Variants in ZFP82 observed in about 807,000 individuals in gnomAD.
ZFP82 encodes the protein ZFP82 zinc finger protein.
ZFP82 carries 30 observed loss-of-function variants against 54.0 expected under a neutral mutation model. The observed-to-expected ratio is 0.56, with a 90% CI of 0.42 to 0.75. ZFP82 has a LOEUF of 0.75. ZFP82 is among the 30% of genes least tolerant of loss of function. The probability of loss-of-function intolerance (pLI) is 0.00; values close to 1 mark genes in which losing one functional copy is unlikely to be tolerated. For synonymous variants in ZFP82, 194 were observed against 209.5 expected, an observed-to-expected ratio of 0.93 and a Z score of 0.64; for missense variants, 500 against 636.8, an observed-to-expected ratio of 0.79 and a Z score of 2.31.
At chr19:36,410,155 G>T (rs915296936) in intron 1 of ZFP82, among the ~76,000 whole-genome samples, 5 of 152,080 alleles carry the variant, frequency 3.3e-5, no homozygotes, top group Admixed American at 6.6e-5. Context: ...CACAAAGAGA[G>T]AAATTCATAA....
chr19:36,398,047 T>C (rs961272492), intron 4 of ZFP82, among the ~76,000 whole-genome samples: 1 of 152,224 alleles, frequency 6.6e-6, no homozygotes, highest in Non-Finnish European at 1.5e-5. Flanking sequence ...ACAAAACTTA[T>C]TTAAGCTTTA....
chr19:36,401,847 C>T (rs1222963010), intron 4 of ZFP82, among the ~76,000 whole-genome samples: 4 of 152,212 alleles, frequency 2.6e-5, no homozygotes, highest in Non-Finnish European at 5.9e-5. Flanking sequence ...TTTCTATCAG[C>T]TCATAATGCT....
chr19:36,409,380 T>A (rs1448348725), intron 2 of ZFP82, among the ~76,000 whole-genome samples: 4 of 152,038 alleles, frequency 2.6e-5, no homozygotes, highest in Non-Finnish European at 5.9e-5. Flanking sequence ...CAATCCTCCA[T>A]GTCAACCTCC....
Position 36,392,740 on chromosome 19 carries a change from C to T in ZFP82, c.*1G>A, listed in dbSNP as rs1034780087. ...ATAACACAGAAGTTGAAAAGACTTTCTTAGATTTTTACATTATGAATTTTC... is the reference window on the plus strand; with the variant it reads ...ATAACACAGAAGTTGAAAAGACTTTTTTAGATTTTTACATTATGAATTTTC... On this transcript the variant is annotated 3_prime_UTR_variant, in exon 5 of 5. Transcript: ENST00000392161. The T allele has an allele frequency of 3.2e-6, 5 of 1,547,348 alleles. No individual in the cohort carries two copies. The highest frequency in any genetic ancestry group is 4.3e-6 in the Non-Finnish European group (5 of 1,153,370).
In ZFP82 at chr19:36,418,545, G is replaced by C. The variant is rs1338799707; in HGVS notation, c.-132C>G. On this transcript the variant is annotated 5_prime_UTR_variant, in exon 1 of 5. Transcript: ENST00000392161. ...TTTCCTACAGATTACCAGGACCGAC[G>C]CTCCGGGCCAGGACTGCTCACTCGG... The C allele has an allele frequency of 6.6e-6, 1 of 152,192 alleles. No individual in the cohort carries two copies. The highest frequency in any genetic ancestry group is 1.5e-5 in the Non-Finnish European group (1 of 68,082). 9.4% of individuals were successfully genotyped at this position (152,192 alleles called of 1,614,324 possible).
intron 1 of ZFP82, among the ~76,000 whole-genome samples, chr19:36,414,614 G>A (rs532021370): frequency 6.1e-4 from 92 of 151,636 alleles, no homozygotes; most frequent in Non-Finnish European, 1.1e-3. Context: ...TGCCTGCCTC[G>A]GCCTCCCAAA....
chr19:36,398,550 AAAT>A (rs1017015618), intron 4 of ZFP82, among the ~76,000 whole-genome samples: 9 of 152,106 alleles, frequency 5.9e-5, no homozygotes, highest in African/African-American at 2.2e-4. Flanking sequence ...AAAAAAAAAA[AAAT>A]GTTTCAATGG....
At chr19:36,414,364 C>CT (rs1233064068) in intron 1 of ZFP82, among the ~76,000 whole-genome samples, 21,752 of 130,932 alleles carry the variant, frequency 0.17, 2,057 homozygotes, top group South Asian at 0.3. Flanking sequence ...TGTAATTCTA[C>CT]TTTTTTTTTT....
intron 3 of ZFP82, among the ~76,000 whole-genome samples, chr19:36,407,093 T>TG: frequency 6.8e-6 from 1 of 147,230 alleles, no homozygotes; most frequent in Non-Finnish European, 1.5e-5. Flanking sequence ...TTTTTTTTTT[T>TG]TGAGACGGAG....
chr19:36,412,360 G>A (rs2945989), intron 1 of ZFP82, among the ~76,000 whole-genome samples: 31,056 of 152,032 alleles, frequency 0.2, 3,243 homozygotes, highest in Admixed American at 0.22. Context: ...AGTGGAAAGC[G>A]TTCTTTAAAT....
chr19:36,417,799 A>C (rs2032698392), intron 1 of ZFP82, among the ~76,000 whole-genome samples: 1 of 151,934 alleles, frequency 6.6e-6, no homozygotes, highest in African/African-American at 2.4e-5. Context: ...CTGCAGCTGG[A>C]CTCTTCAGAG....
At chr19:36,409,933 A>G in intron 1 of ZFP82, 66 bp from the exon 2 acceptor site, 1 of 802,888 alleles carries the variant, frequency 1.2e-6, no homozygotes, top group South Asian at 1.6e-5. Flanking sequence ...GATTTGAGTT[A>G]CTGTGACCTT....
At chr19:36,415,280 C>T (rs2032650902) in intron 1 of ZFP82, among the ~76,000 whole-genome samples, 1 of 152,144 alleles carries the variant, frequency 6.6e-6, no homozygotes, top group Admixed American at 6.5e-5. Context: ...GATGGTGAGA[C>T]TACGGGCAAC....
At chr19:36,410,466 T>C (rs1406848492) in intron 1 of ZFP82, among the ~76,000 whole-genome samples, 3 of 152,074 alleles carry the variant, frequency 2.0e-5, no homozygotes, top group Non-Finnish European at 4.4e-5. Context: ...TGTGTGTATA[T>C]ATATATATTT....
intron 1 of ZFP82, among the ~76,000 whole-genome samples, chr19:36,411,091 G>A (rs1432968761): frequency 7.0e-6 from 1 of 143,160 alleles, no homozygotes; most frequent in African/African-American, 2.5e-5. Flanking sequence ...TACTGGGGAG[G>A]CTGAGGGAGG....
chr19:36,402,223 C>G (rs2145588279), intron 4 of ZFP82, among the ~76,000 whole-genome samples: 1 of 152,232 alleles, frequency 6.6e-6, no homozygotes, highest in East Asian at 1.9e-4. Flanking sequence ...AATCCCAGCA[C>G]TTTGGGAAGC....
chr19:36,402,910 G>A (rs983840150), intron 4 of ZFP82, among the ~76,000 whole-genome samples: 22 of 151,794 alleles, frequency 1.4e-4, no homozygotes, highest in South Asian at 2.1e-4. Flanking sequence ...AGGCTGAGGC[G>A]GGCAGATCAC....
At chr19:36,413,345 A>G (rs2032611333) in intron 1 of ZFP82, among the ~76,000 whole-genome samples, 1 of 152,130 alleles carries the variant, frequency 6.6e-6, no homozygotes, top group Admixed American at 6.6e-5. Flanking sequence ...TGGGAGGCGG[A>G]GGTTGCAGTG....
intron 1 of ZFP82, among the ~76,000 whole-genome samples, chr19:36,412,312 G>A (rs952767223): frequency 3.9e-5 from 6 of 152,110 alleles, no homozygotes; most frequent in Non-Finnish European, 8.8e-5. Context: ...AATTCTACAT[G>A]ACCATATATA....
Sources: allele counts gnomAD v4.1 joint callset (sites outside exome capture counted in the v4.1 genomes callset), GRCh38; gene constraint gnomAD v4.1.1; transcripts MANE v1.5; gene names NCBI Gene and HGNC (gene_info 2026-07-23, HGNC 2026-07-21).